Variants in STK3 observed in about 807,000 individuals in gnomAD.
STK3 encodes the protein serine/threonine kinase 3, also known as serine/threonine-protein kinase 3.
STK3 carries 41 observed loss-of-function variants against 58.0 expected under a neutral mutation model. The ratio of observed to expected loss-of-function variants is 0.71; its 90% confidence interval spans 0.55 to 0.92. STK3 has a LOEUF of 0.92. Among genes scored for constraint, STK3 ranks in the 40% least tolerant of loss-of-function variants. STK3 has a pLI of 0.00. For missense variants in STK3, 479 were observed against 602.7 expected (o/e 0.79, Z 2.15); for synonymous variants, 170 against 191.0 (o/e 0.89, Z 0.91).
At chr8:98,597,809 A>G in intron 6 of STK3, 15 of 985,066 alleles carry the variant, frequency 1.5e-5, no homozygotes, top group Non-Finnish European at 1.8e-5. Context: ...CAGAGCTCAC[A>G]GTCAACTTGT....
intron 7 of STK3, among the ~76,000 whole-genome samples, chr8:98,587,384 C>T (rs1814732447): frequency 6.6e-6 from 1 of 151,972 alleles, no homozygotes; most frequent in South Asian, 2.1e-4. Context: ...GCAGGTTGTT[C>T]AGTTTCCATG....
intron 3 of STK3, among the ~76,000 whole-genome samples, chr8:98,760,028 T>TA (rs947680624): frequency 1.6e-4 from 24 of 152,112 alleles, no homozygotes; most frequent in African/African-American, 5.8e-4. Flanking sequence ...TTTTTTTTTT[T>TA]ATTGTTTTTT....
chr8:98,632,493 A>G (rs1819333348), intron 6 of STK3, among the ~76,000 whole-genome samples: 1 of 152,210 alleles, frequency 6.6e-6, no homozygotes, highest in South Asian at 2.1e-4. Context: ...TTCACTGGAG[A>G]GAAAGACTGC....
chr8:98,869,258 C>T (rs1243941834), intron 3 of STK3, among the ~76,000 whole-genome samples: 1 of 151,694 alleles, frequency 6.6e-6, no homozygotes, highest in African/African-American at 2.4e-5. Flanking sequence ...CAATCTCTAC[C>T]AAAAATGCAA....
downstream of STK3, chr8:98,883,530 T>C: frequency 1.7e-6 from 1 of 588,628 alleles, no homozygotes. Flanking sequence ...AAGTAACACA[T>C]CAATTTAACA....
chr8:98,553,009 T>C (rs1021714107), intron 8 of STK3, among the ~76,000 whole-genome samples: 2 of 152,074 alleles, frequency 1.3e-5, no homozygotes, highest in Non-Finnish European at 2.9e-5. Flanking sequence ...ATCTATTAAG[T>C]GCTACAAGAA....
At chr8:98,804,767 C>G (rs1833800394) in intron 1 of STK3, among the ~76,000 whole-genome samples, 3 of 152,310 alleles carry the variant, frequency 2.0e-5, no homozygotes, top group Middle Eastern at 3.4e-3. Flanking sequence ...TTCTTTTATG[C>G]TTCCTAAATT....
At chr8:98,918,427 G>A (rs994289069) in intron 1 of STK3, among the ~76,000 whole-genome samples, 3 of 152,148 alleles carry the variant, frequency 2.0e-5, no homozygotes, top group South Asian at 2.1e-4. Context: ...CTGAGATCCA[G>A]AACTACCTGA....
At chr8:98,480,620 A>T (rs1457096048) in intron 10 of STK3, among the ~76,000 whole-genome samples, 4 of 152,220 alleles carry the variant, frequency 2.6e-5, no homozygotes, top group African/African-American at 7.2e-5. Flanking sequence ...CTGAATTCAA[A>T]CTTGTATCTG....
At chr8:98,918,105 G>A (rs971828261) in intron 1 of STK3, among the ~76,000 whole-genome samples, 5 of 152,186 alleles carry the variant, frequency 3.3e-5, no homozygotes, top group Non-Finnish European at 7.3e-5. Context: ...GATGTGAATT[G>A]CAAATCAATC....
intron 1 of STK3, among the ~76,000 whole-genome samples, chr8:98,903,802 T>C (rs972630070): frequency 6.6e-6 from 1 of 152,176 alleles, no homozygotes; most frequent in African/African-American, 2.4e-5. Flanking sequence ...AATCATAGTT[T>C]GTAGATTTAC....
intron 1 of STK3, among the ~76,000 whole-genome samples, chr8:98,379,390 CTCTGTAGT>C (rs1817709594): frequency 1.3e-5 from 2 of 152,164 alleles, no homozygotes; most frequent in Admixed American, 1.3e-4. Context: ...TCTTTTCAGG[CTCTGTAGT>C]ATTAGATAAT....
intron 6 of STK3, among the ~76,000 whole-genome samples, chr8:98,692,368 A>C (rs1255196137): frequency 6.6e-6 from 1 of 152,230 alleles, no homozygotes; most frequent in African/African-American, 2.4e-5. Context: ...CATACAAAGA[A>C]ATATTATTCA....
chr8:98,677,437 T>C (rs1253402161), intron 6 of STK3, among the ~76,000 whole-genome samples: 2 of 148,502 alleles, frequency 1.3e-5, no homozygotes, highest in Non-Finnish European at 3.0e-5. Flanking sequence ...CTTGACTGAA[T>C]TACACTCCTG....
upstream of STK3, among the ~76,000 whole-genome samples, chr8:98,826,171 G>C (rs1440684969): frequency 6.6e-6 from 1 of 152,182 alleles, no homozygotes; most frequent in Non-Finnish European, 1.5e-5. Context: ...GGTTTGCCCT[G>C]ATCCAATTTG....
intron 7 of STK3, among the ~76,000 whole-genome samples, chr8:98,582,768 T>C (rs1381805683): frequency 6.6e-6 from 1 of 152,188 alleles, no homozygotes; most frequent in Non-Finnish European, 1.5e-5. Flanking sequence ...AACAAAAAGA[T>C]GTAATTTGTT....
Position 98,428,896 on chromosome 8 carries a change from T to C in STK3, n.483+5231A>G. 3 of 1,614,192 alleles carry C rather than the reference T, an allele frequency of 1.9e-6. No homozygotes were observed. Among genetic ancestry groups the C allele is most frequent in the Non-Finnish European group, 2.5e-6 (3 of 1,180,026 alleles). The stretch of plus-strand genomic sequence containing the variant: ...AGGCTGATGCGGATCTTCCGCATCT[T>C]AAAGCTGGCCAGGCACTCCACTGGC... On this transcript the variant is annotated intron_variant and non_coding_transcript_variant, in intron 3 of 3. Coordinates refer to the STK3 transcript ENST00000517832. This position sits in a 1 kb window ranked among gnomAD's most constrained non-coding sequence, Gnocchi z 6.7.
At chr8:98,435,883 T>C (rs1818467932) in intron 2 of STK3, among the ~76,000 whole-genome samples, 1 of 152,182 alleles carries the variant, frequency 6.6e-6, no homozygotes, top group Non-Finnish European at 1.5e-5. Context: ...TTTTCTCAGC[T>C]GACTCCTTAT....
intron 1 of STK3, chr8:98,905,440 T>C (rs1838856397): frequency 7.7e-7 from 1 of 1,301,520 alleles, no homozygotes. Flanking sequence ...TGTAACTTGG[T>C]TGACGCTTTG....
Sources: allele counts gnomAD v4.1 joint callset (sites outside exome capture counted in the v4.1 genomes callset), GRCh38; gene constraint gnomAD v4.1.1; non-coding constraint Gnocchi (gnomAD v3.1); transcripts MANE v1.5; gene names NCBI Gene and HGNC (gene_info 2026-07-23, HGNC 2026-07-21).